MME: variants seen among roughly 807,000 people sequenced by gnomAD.
MME encodes the protein neprilysin.
A neutral mutation model predicts 113.2 loss-of-function variants in MME; 98 were observed. The observed-to-expected ratio is 0.87, with a 90% confidence interval of 0.74 to 1.02. The LOEUF (loss-of-function observed/expected upper bound fraction) is 1.02, where lower values mean the gene tolerates loss of function less well. Ranked by LOEUF, MME falls within the 50% of genes least tolerant of loss-of-function variation. MME has a pLI of 0.00. For synonymous variants in MME, 292 were observed against 300.6 expected (o/e 0.97, Z 0.30); for missense variants, 836 against 896.0 (o/e 0.93, Z 0.86).
intron 1 of MME, among the ~76,000 whole-genome samples, chr3:155,057,402 A>G (rs112496905): frequency 0.043 from 6,615 of 152,156 alleles, 157 homozygotes; most frequent in African/African-American, 0.052. Flanking sequence ...ATGAGATACC[A>G]TCTCACACCA....
At chr3:155,043,022 C>T (rs551666147) in intron 1 of MME, among the ~76,000 whole-genome samples, 6 of 142,648 alleles carry the variant, frequency 4.2e-5, no homozygotes, top group Admixed American at 7.2e-5. Flanking sequence ...AAGATACTCA[C>T]ATTTTTTTGT....
At chr3:155,128,275 C>G (rs796837536) in intron 8 of MME, among the ~76,000 whole-genome samples, 1 of 152,094 alleles carries the variant, frequency 6.6e-6, no homozygotes. Flanking sequence ...CAATGTTACC[C>G]TTATTTTTCC....
chr3:155,098,398 A>C (rs752806094), intron 3 of MME, among the ~76,000 whole-genome samples: 1 of 152,062 alleles, frequency 6.6e-6, no homozygotes, highest in Non-Finnish European at 1.5e-5. Flanking sequence ...TACTAAAAAT[A>C]CAAAAAAATT....
intron 1 of MME, among the ~76,000 whole-genome samples, chr3:155,071,669 C>G (rs551383177): frequency 6.6e-6 from 1 of 152,246 alleles, no homozygotes; most frequent in South Asian, 2.1e-4. Context: ...ATCCACAACT[C>G]ACCACCACCA....
intron 17 of MME, among the ~76,000 whole-genome samples, chr3:155,165,404 T>C (rs1386198088): frequency 6.6e-6 from 1 of 152,058 alleles, no homozygotes; most frequent in African/African-American, 2.4e-5. Flanking sequence ...ATATATTTCA[T>C]GAGAGTATAT....
chr3:155,025,060 G>A (rs995784632), intron 1 of MME, among the ~76,000 whole-genome samples: 2 of 152,196 alleles, frequency 1.3e-5, no homozygotes, highest in Non-Finnish European at 2.9e-5. Flanking sequence ...AGAAAGATCA[G>A]GCTTGTTAGG....
chr3:155,083,373 T>C (rs1357942500), intron 1 of MME, among the ~76,000 whole-genome samples: 5 of 152,214 alleles, frequency 3.3e-5, no homozygotes, highest in Non-Finnish European at 5.9e-5. Flanking sequence ...GGAATACAGG[T>C]ATGTTTTTGC....
intron 8 of MME, among the ~76,000 whole-genome samples, chr3:155,134,240 G>A (rs1720435702): frequency 6.6e-6 from 1 of 151,922 alleles, no homozygotes; most frequent in African/African-American, 2.4e-5. Context: ...CATCACTGAG[G>A]TAGTGAGCAT....
At chr3:155,165,409 G>A (rs1419465863) in intron 17 of MME, among the ~76,000 whole-genome samples, 1 of 152,010 alleles carries the variant, frequency 6.6e-6, no homozygotes, top group African/African-American at 2.4e-5. Flanking sequence ...TTTCATGAGA[G>A]TATATATTAT....
intron 18 of MME, 115 bp downstream of exon 18, chr3:155,167,136 T>G: frequency 7.5e-7 from 1 of 1,340,924 alleles, no homozygotes; most frequent in Non-Finnish European, 1.1e-6. Context: ...ATCATTTCTC[T>G]AATTTTCACC....
intron 3 of MME, 49 bp downstream of exon 3, chr3:155,085,143 T>C (rs202220058): frequency 7.5e-6 from 9 of 1,199,914 alleles, no homozygotes; most frequent in Non-Finnish European, 9.7e-6. Flanking sequence ...ATGTATAATA[T>C]TTAAAATTAA....
In MME at chr3:155,032,702, G is replaced by C. The variant is rs1206120808; in HGVS notation, c.-11+8378G>C. Among the ~76,000 whole-genome samples the C allele has an allele frequency of 2.0e-5, 3 of 152,130 alleles. No individual in the cohort carries two copies. The South Asian group carries it at 6.2e-4, about 31-fold the overall frequency. ...AGGGATCACAGGAGGCTTGCTTCTG[G>C]TCCCCCTGGGTCACCAAAATGTCAA... is the stretch of plus-strand genomic sequence containing the variant. On this transcript the variant is annotated intron_variant, in intron 1 of 22. Transcript: ENST00000492661.
At chr3:155,069,410 A>T (rs1435772735) in intron 1 of MME, among the ~76,000 whole-genome samples, 2 of 152,326 alleles carry the variant, frequency 1.3e-5, no homozygotes, top group East Asian at 3.9e-4. Flanking sequence ...GAGAGGGATG[A>T]AAGAATTGAT....
intron 16 of MME, chr3:155,159,039 A>G (rs1208993344): frequency 2.0e-5 from 3 of 152,084 alleles, no homozygotes; most frequent in African/African-American, 7.2e-5. Context: ...CAAATCCTTT[A>G]TATAAAAAGT....
Position 155,182,051 on chromosome 3 carries a change from C to G in MME, c.*1592C>G, listed in dbSNP as rs1713144017. On this transcript the variant is annotated 3_prime_UTR_variant, in exon 23 of 23. Coordinates refer to ENST00000360490, the MANE Select transcript of MME (RefSeq NM_007289.4). ...GCACCTGTAAGAAACAGAGCAGTAC[C>G]AGCGCTCTAAAAGCACCTCCTTGTC... The G allele has an allele frequency of 6.6e-6, 1 of 152,140 alleles. No individual in the cohort carries two copies. The highest frequency in any genetic ancestry group is 6.6e-5 in the Admixed American group (1 of 15,264). 9.4% of individuals were successfully genotyped at this position (152,140 alleles called of 1,614,324 possible).
At chr3:155,136,890 A>T (rs1576630378) in intron 8 of MME, among the ~76,000 whole-genome samples, 1 of 152,144 alleles carries the variant, frequency 6.6e-6, no homozygotes, top group African/African-American at 2.4e-5. Context: ...TAGAAATCTC[A>T]CCTATCCATA....
intron 2 of MME, 128 bp from the exon 3 acceptor site, chr3:155,084,931 T>C (rs1267339101): frequency 1.7e-6 from 1 of 604,850 alleles, no homozygotes; most frequent in Non-Finnish European, 3.0e-6. Flanking sequence ...TGATATATAA[T>C]GTTCAGTTTT....
intron 1 of MME, chr3:155,082,067 A>C (rs1715200357): frequency 6.6e-6 from 1 of 152,102 alleles, no homozygotes; most frequent in African/African-American, 2.4e-5. Context: ...ACCCAGTCTC[A>C]AGGGTAAGGA....
chr3:155,076,818 G>C (rs1020421034), upstream of MME, among the ~76,000 whole-genome samples: 1 of 152,190 alleles, frequency 6.6e-6, no homozygotes, highest in Non-Finnish European at 1.5e-5. Context: ...ACTTCTGGAT[G>C]TTGCTATAGC....
Sources: allele counts gnomAD v4.1 joint callset (sites outside exome capture counted in the v4.1 genomes callset), GRCh38; gene constraint gnomAD v4.1.1; transcripts MANE v1.5; gene names NCBI Gene and HGNC (gene_info 2026-07-23, HGNC 2026-07-21).